Variants in CSMD1 observed in about 807,000 individuals in gnomAD.
CSMD1 encodes CUB and sushi domain-containing protein 1.
A neutral mutation model predicts 417.5 loss-of-function variants in CSMD1; 213 were observed. The ratio of observed to expected loss-of-function variants is 0.51; its 90% CI spans 0.46 to 0.57. The LOEUF is 0.57. CSMD1 is among the 20% of genes least tolerant of loss of function. CSMD1 has a pLI of 0.00. For missense variants in CSMD1, 6,923 were observed against 4,529.7 expected, an observed-to-expected ratio of 1.53 and a Z score of -15.17; for synonymous variants, 2,862 against 1,736.8, an observed-to-expected ratio of 1.65 and a Z score of -16.11.
In CSMD1 at chr8:4,631,838, G is replaced by C. The variant is rs1011011164; in HGVS notation, c.302+5504C>G. 3.9e-5 allele frequency among the ~76,000 whole-genome samples: 6 copies of C among 152,154 alleles called. No individual in the cohort carries two copies. The East Asian group carries it at 9.6e-4, about 24-fold the overall frequency. On this transcript the variant is annotated intron_variant, in intron 2 of 69. Coordinates refer to ENST00000635120, the MANE Select transcript of CSMD1 (RefSeq NM_033225.6). ...AAGTTAGAAAGACCGACGAACTCGAGATAAATGCCAAAGCTATTTCCCTAG... is the reference window on the plus strand; with the variant it reads ...AAGTTAGAAAGACCGACGAACTCGACATAAATGCCAAAGCTATTTCCCTAG...
At chr8:4,320,759 G>A (rs981025025) in intron 3 of CSMD1, among the ~76,000 whole-genome samples, 3 of 151,966 alleles carry the variant, frequency 2.0e-5, no homozygotes, top group South Asian at 4.2e-4. Flanking sequence ...GTCTATCATT[G>A]ACGGGCATTT....
intron 1 of CSMD1, among the ~76,000 whole-genome samples, chr8:4,984,322 G>A (rs1159719708): frequency 6.6e-6 from 1 of 152,228 alleles, no homozygotes; most frequent in African/African-American, 2.4e-5. Context: ...GTAGAAAGGA[G>A]CAAGGCCTAA....
intron 8 of CSMD1, among the ~76,000 whole-genome samples, chr8:3,605,725 T>C (rs1801580296): frequency 6.6e-6 from 1 of 152,230 alleles, no homozygotes; most frequent in Admixed American, 6.5e-5. Flanking sequence ...TTAGCATGAA[T>C]AGTAACATGC....
chr8:3,215,750 G>A (rs927804535), intron 29 of CSMD1, among the ~76,000 whole-genome samples: 2 of 152,046 alleles, frequency 1.3e-5, no homozygotes, highest in Admixed American at 6.6e-5. Flanking sequence ...GTATAACCCT[G>A]CAGTCTACCA....
At chr8:3,781,570 G>T (rs1042050213) in intron 5 of CSMD1, among the ~76,000 whole-genome samples, 5 of 152,142 alleles carry the variant, frequency 3.3e-5, no homozygotes, top group African/African-American at 4.8e-5. Flanking sequence ...CTTTTGAAAA[G>T]AACTCTCCAA....
intron 54 of CSMD1, among the ~76,000 whole-genome samples, chr8:2,988,087 C>T (rs1483757334): frequency 6.6e-6 from 1 of 152,176 alleles, no homozygotes; most frequent in Non-Finnish European, 1.5e-5. Context: ...CATTAGCTTA[C>T]ATTTCCTTTA....
intron 3 of CSMD1, among the ~76,000 whole-genome samples, chr8:4,194,475 C>G (rs2131226990): frequency 6.6e-6 from 1 of 152,220 alleles, no homozygotes; most frequent in South Asian, 2.1e-4. Flanking sequence ...CGCCCTGTCA[C>G]TTTTCTAATA....
chr8:4,468,378 GATA>G (rs1387718003), intron 2 of CSMD1, among the ~76,000 whole-genome samples: 8 of 152,154 alleles, frequency 5.3e-5, no homozygotes, highest in Non-Finnish European at 1.0e-4. Context: ...TAATAAAGAG[GATA>G]ATATTTTGAT....
intron 11 of CSMD1, among the ~76,000 whole-genome samples, chr8:3,471,560 CCCT>C (rs1326229506): frequency 2.1e-5 from 3 of 143,750 alleles, no homozygotes; most frequent in South Asian, 4.8e-4. Context: ...TCCTCTCCCT[CCCT>C]CCTTCCTTCT....
chr8:3,927,514 A>C (rs1449827332), intron 5 of CSMD1, among the ~76,000 whole-genome samples: 2 of 151,372 alleles, frequency 1.3e-5, no homozygotes, highest in Non-Finnish European at 3.0e-5. Flanking sequence ...AAAATACAAA[A>C]ATTAGCCAGC....
At chr8:4,758,872 G>C (rs11775255) in intron 1 of CSMD1, among the ~76,000 whole-genome samples, 14,749 of 152,196 alleles carry the variant, frequency 0.097, 859 homozygotes, top group Non-Finnish European at 0.13. Flanking sequence ...TTCACAAAGT[G>C]ATTTGGGTGA....
intron 9 of CSMD1, among the ~76,000 whole-genome samples, chr8:3,575,273 G>C (rs911352328): frequency 6.6e-6 from 1 of 151,662 alleles, no homozygotes; most frequent in Non-Finnish European, 1.5e-5. Context: ...TATCTGCAGT[G>C]TTACGCTGGG....
chr8:3,799,339 T>C (rs1270408925), intron 5 of CSMD1, among the ~76,000 whole-genome samples: 1 of 151,454 alleles, frequency 6.6e-6, no homozygotes, highest in African/African-American at 2.4e-5. Context: ...GCTGGTGTGC[T>C]GCACCCATTA....
At chr8:4,270,310 G>A (rs1022287751) in intron 3 of CSMD1, among the ~76,000 whole-genome samples, 1 of 151,880 alleles carries the variant, frequency 6.6e-6, no homozygotes, top group Non-Finnish European at 1.5e-5. Flanking sequence ...TCTTTATACT[G>A]GTTTTATGCT....
intron 5 of CSMD1, among the ~76,000 whole-genome samples, chr8:3,949,545 C>G (rs144613011): frequency 5.9e-5 from 9 of 152,152 alleles, no homozygotes; most frequent in South Asian, 2.1e-4. Flanking sequence ...TTAAGTGTGT[C>G]TAATTTGGGG....
At chr8:3,066,784 C>A (rs1459604233) in intron 49 of CSMD1, among the ~76,000 whole-genome samples, 1 of 152,122 alleles carries the variant, frequency 6.6e-6, no homozygotes, top group Non-Finnish European at 1.5e-5. Context: ...CTGAGCTACA[C>A]AGAAAATTGG....
At chr8:4,045,166 T>C (rs1011129215) in intron 3 of CSMD1, among the ~76,000 whole-genome samples, 1 of 152,130 alleles carries the variant, frequency 6.6e-6, no homozygotes, top group African/African-American at 2.4e-5. Flanking sequence ...AGTCGTGGGC[T>C]GGGGTACCGG....
chr8:3,790,765 G>A (rs987883891), intron 5 of CSMD1, among the ~76,000 whole-genome samples: 1 of 152,120 alleles, frequency 6.6e-6, no homozygotes, highest in Non-Finnish European at 1.5e-5. Context: ...AGAAATAACT[G>A]CTGAGTATAG....
At chr8:3,928,688 G>T (rs766762043) in intron 5 of CSMD1, among the ~76,000 whole-genome samples, 1 of 149,946 alleles carries the variant, frequency 6.7e-6, no homozygotes, top group East Asian at 2.0e-4. Flanking sequence ...TTTTTAAATT[G>T]CTCCTGCTCT....
Sources: allele counts gnomAD v4.1 joint callset (sites outside exome capture counted in the v4.1 genomes callset), GRCh38; gene constraint gnomAD v4.1.1; transcripts MANE v1.5; gene names NCBI Gene and HGNC (gene_info 2026-07-23, HGNC 2026-07-21).